The following SPTLC1 variants were observed in gnomAD, a reference collection of about 807,000 sequenced individuals.
SPTLC1 encodes the protein serine palmitoyltransferase 1.
SPTLC1 carries 55 observed loss-of-function variants against 68.9 expected under a neutral mutation model. The ratio of observed to expected loss-of-function variants is 0.80; its 90% confidence interval spans 0.64 to 1.00. The LOEUF is 1.00. SPTLC1 is among the 50% of genes least tolerant of loss of function. The pLI is 0.00. For synonymous variants in SPTLC1, 197 were observed against 201.6 expected (o/e 0.98, Z 0.19); for missense variants, 449 against 573.1 (o/e 0.78, Z 2.21).
intron 3 of SPTLC1, among the ~76,000 whole-genome samples, chr9:92,101,949 C>T (rs541433378): frequency 6.6e-6 from 1 of 152,068 alleles, no homozygotes; most frequent in South Asian, 2.1e-4. Context: ...CTTAAAGGGA[C>T]ATATTCAACC....
At chr9:92,086,674 C>T (rs1188497017) in intron 3 of SPTLC1, among the ~76,000 whole-genome samples, 1 of 152,172 alleles carries the variant, frequency 6.6e-6, no homozygotes, top group Non-Finnish European at 1.5e-5. Context: ...CTGCCCTTAA[C>T]ATTTTTTCCT....
chr9:92,100,204 CAGG>C (rs1372474631), intron 3 of SPTLC1, among the ~76,000 whole-genome samples: 1 of 152,084 alleles, frequency 6.6e-6, no homozygotes, highest in African/African-American at 2.4e-5. Context: ...CACCAGAGGT[CAGG>C]AGTTTGAGAC....
intron 6 of SPTLC1, among the ~76,000 whole-genome samples, chr9:92,067,556 C>A (rs1228176519): frequency 6.6e-6 from 1 of 152,140 alleles, no homozygotes; most frequent in Non-Finnish European, 1.5e-5. Flanking sequence ...CAAGTCACGG[C>A]TCCTCTATCC....
chr9:92,055,243 G>A, intron 8 of SPTLC1, 162 bp downstream of exon 8: 1 of 1,482,970 alleles, frequency 6.7e-7, no homozygotes, highest in South Asian at 1.3e-5. Flanking sequence ...GGCCAGCACT[G>A]GCATTCAGTG....
intron 3 of SPTLC1, among the ~76,000 whole-genome samples, chr9:92,088,898 C>A (rs953323934): frequency 6.6e-6 from 1 of 152,132 alleles, no homozygotes; most frequent in African/African-American, 2.4e-5. Flanking sequence ...GCTGCAGAAG[C>A]AAGTAAAACC....
chr9:92,042,486 T>C (rs1300691793), intron 12 of SPTLC1, among the ~76,000 whole-genome samples: 1 of 152,042 alleles, frequency 6.6e-6, no homozygotes. Context: ...AAGTAGAAAA[T>C]ATAACAGAAA....
At chr9:92,101,250 A>G (rs1196967314) in intron 3 of SPTLC1, among the ~76,000 whole-genome samples, 1 of 152,130 alleles carries the variant, frequency 6.6e-6, no homozygotes, top group Non-Finnish European at 1.5e-5. Flanking sequence ...AAATTCAACA[A>G]AGACATAGAT....
chr9:92,111,256 T>C (rs1587624605), intron 2 of SPTLC1: 1 of 152,318 alleles, frequency 6.6e-6, no homozygotes, highest in South Asian at 2.1e-4. Context: ...TAATCATTAT[T>C]ACCTGCTGAG....
intron 5 of SPTLC1, 161 bp downstream of exon 5, chr9:92,079,855 A>T: frequency 1.4e-6 from 1 of 726,082 alleles, no homozygotes; most frequent in Non-Finnish European, 2.5e-6. Context: ...GGGTCTCCCT[A>T]TATTGCCCAT....
chr9:92,095,507 CAGA>C (rs1835498152), intron 3 of SPTLC1, among the ~76,000 whole-genome samples: 2 of 152,156 alleles, frequency 1.3e-5, no homozygotes, highest in South Asian at 4.1e-4. Flanking sequence ...GCTGTATACA[CAGA>C]AGAATATGTA....
At chr9:92,091,572 TAAATC>T (rs1835362515) in intron 3 of SPTLC1, among the ~76,000 whole-genome samples, 1 of 152,238 alleles carries the variant, frequency 6.6e-6, no homozygotes, top group African/African-American at 2.4e-5. Flanking sequence ...ATTACATTAA[TAAATC>T]AAATAACATT....
rs907898170 is a variant in SPTLC1 at position 92,050,031 on chromosome 9, G to A, written c.817C>T (p.Leu273=). The change falls in exon 9 of 15, where the codon CTG becomes TTG. Residue 273 remains leucine, a synonymous_variant. Transcript: ENST00000262554. ...ACTCCAAATGAAAGGCTTTCCTCCA[G>A]GAAGATTCTTGCTTTGTATTTGTAT... ...LKYKYKARIF[L]EESLSFGVLG... is the part of the protein sequence containing the mutation. The A allele has an allele frequency of 1.2e-6, 2 of 1,613,636 alleles. No individual in the cohort carries two copies. The highest frequency in any genetic ancestry group is 1.3e-5 in the African/African-American group (1 of 74,906).
intron 12 of SPTLC1, among the ~76,000 whole-genome samples, chr9:92,040,818 T>C (rs1476594962): frequency 6.6e-6 from 1 of 151,968 alleles, no homozygotes; most frequent in East Asian, 1.9e-4. Flanking sequence ...ATCTAACTTG[T>C]GCTTTTTGAT....
chr9:92,104,712 A>G (rs1246608727), intron 3 of SPTLC1: 202 of 1,528,378 alleles, frequency 1.3e-4, no homozygotes, highest in Non-Finnish European at 1.6e-4. Context: ...ACCCAGGGGC[A>G]GGAGGACAAT....
At chr9:92,034,750 G>T in intron 14 of SPTLC1, 60 bp downstream of exon 14, 2 of 1,414,902 alleles carry the variant, frequency 1.4e-6, no homozygotes, top group Non-Finnish European at 1.0e-6. Flanking sequence ...AAAAGATAAC[G>T]TATTTCATAG....
chr9:92,091,399 A>T (rs75426951), intron 3 of SPTLC1, among the ~76,000 whole-genome samples: 7,630 of 152,334 alleles, frequency 0.05, 261 homozygotes, highest in Middle Eastern at 0.065. Context: ...ACAGACGTGA[A>T]AATGACAGAC....
intron 3 of SPTLC1, among the ~76,000 whole-genome samples, chr9:92,098,165 C>A (rs977486017): frequency 1.3e-5 from 2 of 152,252 alleles, no homozygotes; most frequent in East Asian, 3.9e-4. Flanking sequence ...TCGCTTATTC[C>A]CGCCATCCTG....
chr9:92,103,403 A>G (rs1035113307), intron 3 of SPTLC1, among the ~76,000 whole-genome samples: 2 of 152,218 alleles, frequency 1.3e-5, no homozygotes, highest in African/African-American at 2.4e-5. Context: ...CCACGGTGCT[A>G]AGTACCCCAG....
rs1392918974 is a variant in SPTLC1 at position 92,035,387 on chromosome 9, G to T, written c.1255-504C>A. ...TCCACATGTGGCATCTGGGCATGGT[G>T]CCACTGGGCACTGCAGAATCTGGCG... On this transcript the variant is annotated intron_variant, in intron 13 of 14. Coordinates refer to ENST00000262554, the MANE Select transcript of SPTLC1 (RefSeq NM_006415.4). Among the ~76,000 whole-genome samples, 3 of 152,186 alleles carry T rather than the reference G, an allele frequency of 2.0e-5. No individual in the cohort carries two copies. The East Asian group carries it at 5.8e-4, about 29-fold the overall frequency.
Sources: allele counts gnomAD v4.1 joint callset (sites outside exome capture counted in the v4.1 genomes callset), GRCh38; gene constraint gnomAD v4.1.1; transcripts MANE v1.5; gene names NCBI Gene and HGNC (gene_info 2026-07-23, HGNC 2026-07-21).